CDH18: variants seen among roughly 807,000 people sequenced by gnomAD.
CDH18 encodes cadherin 18.
Under a neutral mutation model 67.9 loss-of-function variants are expected in CDH18, and 31 were observed. The ratio of observed to expected loss-of-function variants is 0.46; its 90% CI spans 0.34 to 0.62. The LOEUF is 0.62. Among genes scored for constraint, CDH18 ranks in the 20% least tolerant of loss-of-function variants. The pLI is 0.01. For missense variants in CDH18, 890 were observed against 975.5 expected (o/e 0.91, Z 1.17); for synonymous variants, 362 against 347.2 (o/e 1.04, Z -0.48).
intron 1 of CDH18, among the ~76,000 whole-genome samples, chr5:20,518,588 G>A (rs545195804): frequency 1.8e-4 from 27 of 152,222 alleles, no homozygotes; most frequent in African/African-American, 6.0e-4. Flanking sequence ...GCATTTTGTA[G>A]TTAGTTGACA....
chr5:20,205,198 C>T lies in CDH18; in HGVS notation c.-518+50246G>A, dbSNP rs77369865. ...GGTAAGAGTGTTAAAACCGATATTA[C>T]ATGCAGCTGGAAACCGAAAATGAGC... On this transcript the variant is annotated intron_variant, in intron 2 of 14. Transcript: ENST00000507958. Among the ~76,000 whole-genome samples the T allele has an allele frequency of 9.0e-3, 1,370 of 152,022 alleles. 106 individuals are homozygous for T. The East Asian group carries it at 0.2, about 22-fold the overall frequency.
chr5:19,795,189 C>T (rs1417338698), intron 3 of CDH18, among the ~76,000 whole-genome samples: 2 of 152,104 alleles, frequency 1.3e-5, no homozygotes, highest in Non-Finnish European at 2.9e-5. Context: ...TAGAAGCATT[C>T]TGCTTCTTCA....
At chr5:19,782,434 A>G (rs2149785894) in intron 3 of CDH18, among the ~76,000 whole-genome samples, 1 of 152,274 alleles carries the variant, frequency 6.6e-6, no homozygotes, top group East Asian at 1.9e-4. Flanking sequence ...ACAGAGCCAA[A>G]CCATATCACA....
chr5:20,499,035 C>T (rs1446301298), intron 1 of CDH18, among the ~76,000 whole-genome samples: 1 of 152,004 alleles, frequency 6.6e-6, no homozygotes, highest in Non-Finnish European at 1.5e-5. Flanking sequence ...CATAATCCTC[C>T]TCTTTCCTGC....
chr5:20,100,812 A>G (rs981661989), intron 2 of CDH18, among the ~76,000 whole-genome samples: 2 of 152,150 alleles, frequency 1.3e-5, no homozygotes, highest in Non-Finnish European at 2.9e-5. Context: ...AGAAAAAAAA[A>G]ATTGTTTTCT....
chr5:20,255,350 A>G (rs1744153222), intron 2 of CDH18: 1 of 152,180 alleles, frequency 6.6e-6, no homozygotes, highest in South Asian at 2.1e-4. Flanking sequence ...AACAATTTTG[A>G]CATTTCTATA....
Position 19,838,973 on chromosome 5 carries a change from C to A in CDH18, c.14G>T (p.Ser5Ile), listed in dbSNP as rs1483473313. 1 of 1,611,482 alleles carries A rather than the reference C, an allele frequency of 6.2e-7. No homozygotes were observed. The highest frequency in any genetic ancestry group is 8.5e-7 in the Non-Finnish European group (1 of 1,177,826). The change falls in exon 3 of 13, where the codon AGC becomes ATC. Residue 5 changes from serine (S) to isoleucine (I), a missense_variant. Coordinates refer to ENST00000382275, the MANE Select transcript of CDH18 (RefSeq NM_004934.5). MKIT[S>I]TSCICPVLVC... is the part of the protein sequence containing the mutation. The stretch of plus-strand genomic sequence containing the variant: ...TAGGACTGGACAGATGCAAGATGTG[C>A]TAGTAATTTTCATTGTAAGATAACT...
rs565286387 is a variant in CDH18 at position 20,420,336 on chromosome 5, G to A, written c.-580+155126C>T. Among the ~76,000 whole-genome samples the A allele has an allele frequency of 1.7e-4, 26 of 151,064 alleles. 1 individual carries two copies. Among genetic ancestry groups the A allele is most frequent in the African/African-American group, 5.7e-4 (23 of 40,502 alleles). On this transcript the variant is annotated intron_variant, in intron 1 of 14. Coordinates refer to the CDH18 transcript ENST00000507958. ...AATCCATCCACTAGAAATGATAAGA[G>A]TTAAGGACTTATTCTTTATAGAATA...
At chr5:20,020,906 G>A (rs1356231652) in intron 2 of CDH18, among the ~76,000 whole-genome samples, 1 of 152,080 alleles carries the variant, frequency 6.6e-6, no homozygotes, top group African/African-American at 2.4e-5. Context: ...CCAATAGCTT[G>A]CACTATGCAC....
At chr5:19,549,071 A>T (rs920295528) in intron 8 of CDH18, among the ~76,000 whole-genome samples, 1 of 152,048 alleles carries the variant, frequency 6.6e-6, no homozygotes, top group Admixed American at 6.5e-5. Context: ...TAAAAGGAGA[A>T]AATTTTAAAG....
intron 5 of CDH18, among the ~76,000 whole-genome samples, chr5:19,715,198 T>C (rs1765194665): frequency 1.3e-5 from 2 of 149,800 alleles, no homozygotes. Flanking sequence ...TGAGCAAAAA[T>C]GAAATGAAAT....
intron 5 of CDH18, among the ~76,000 whole-genome samples, chr5:19,629,835 TATA>T (rs1752142627): frequency 1.3e-5 from 2 of 152,148 alleles, no homozygotes; most frequent in South Asian, 4.1e-4. Context: ...ATCATTTACA[TATA>T]ATTAGAAAAA....
In CDH18 at chr5:20,377,260, T is replaced by C. The variant is rs536194315; in HGVS notation, c.-579-121755A>G. The stretch of plus-strand genomic sequence containing the variant: ...TTATATTTATTTCTATCATATACCA[T>C]AATTCATGTATGTAAACCTGCAAAT... On this transcript the variant is annotated intron_variant, in intron 1 of 14. Coordinates refer to the CDH18 transcript ENST00000507958. 3.9e-5 allele frequency among the ~76,000 whole-genome samples: 6 copies of C among 152,360 alleles called. No individual in the cohort carries two copies. The South Asian group carries it at 1.2e-3, about 32-fold the overall frequency.
intron 5 of CDH18, among the ~76,000 whole-genome samples, chr5:19,719,010 T>C (rs922619684): frequency 1.3e-5 from 2 of 151,988 alleles, no homozygotes; most frequent in South Asian, 2.1e-4. Context: ...AGTCCAACAC[T>C]ATTAGAGCAT....
At chr5:20,116,603 G>A (rs1458062978) in intron 2 of CDH18, among the ~76,000 whole-genome samples, 1 of 151,968 alleles carries the variant, frequency 6.6e-6, no homozygotes, top group African/African-American at 2.4e-5. Flanking sequence ...GTTATTAACA[G>A]CAAATTAACC....
At chr5:19,713,687 A>G (rs929356740) in intron 5 of CDH18, among the ~76,000 whole-genome samples, 6 of 152,164 alleles carry the variant, frequency 3.9e-5, no homozygotes, top group Non-Finnish European at 8.8e-5. Context: ...CAATTATCTA[A>G]TAAATATGCA....
At position 20,396,703 on chromosome 5, in the gene CDH18, CT is replaced by C. The variant is rs530987487; in HGVS notation, c.-579-141199del. ...ACATCATTTAGATGCACTAAATTTTCTATTAAAATCAAAACTGAATGTAAAA... is the reference window on the plus strand; with the variant it reads ...ACATCATTTAGATGCACTAAATTTTCATTAAAATCAAAACTGAATGTAAAA... On this transcript the variant is annotated intron_variant, in intron 1 of 14. Transcript: ENST00000507958. 2.4e-3 allele frequency among the ~76,000 whole-genome samples: 360 copies of C among 152,144 alleles called. 3 individuals are homozygous for C. Among genetic ancestry groups the C allele is most frequent in the Non-Finnish European group, 4.3e-3 (291 of 67,990 alleles).
chr5:20,351,576 T>C (rs1473608701), intron 1 of CDH18, among the ~76,000 whole-genome samples: 1 of 86,258 alleles, frequency 1.2e-5, no homozygotes, highest in Non-Finnish European at 2.2e-5. Context: ...AGTATCACCA[T>C]GTAATAGCTG....
intron 1 of CDH18, among the ~76,000 whole-genome samples, chr5:20,481,463 G>A (rs1244474696): frequency 6.6e-6 from 1 of 151,972 alleles, no homozygotes; most frequent in Non-Finnish European, 1.5e-5. Context: ...TAGAAAAAAT[G>A]GACCTAATAG....
Sources: gnomAD v4.1 joint callset for allele counts (sites outside exome capture counted in the v4.1 genomes callset) on GRCh38, gnomAD v4.1.1 for gene constraint, MANE v1.5 for transcripts, NCBI Gene and HGNC (gene_info 2026-07-23, HGNC 2026-07-21) for gene names.